NLRC3: variants seen among roughly 807,000 people sequenced by gnomAD.
The protein encoded by NLRC3 is NLR family CARD domain containing 3.
A neutral mutation model predicts 91.6 loss-of-function variants in NLRC3; 87 were observed. The observed-to-expected ratio is 0.95, with a 90% CI of 0.80 to 1.14. NLRC3 has a LOEUF of 1.14. NLRC3 is among the 50% of genes most tolerant of loss of function. The probability of loss-of-function intolerance (pLI) is 0.00; values close to 1 mark genes in which losing one functional copy is unlikely to be tolerated. For synonymous variants in NLRC3, 694 were observed against 625.3 expected, an observed-to-expected ratio of 1.11 and a Z score of -1.64; for missense variants, 1,577 against 1,418.6, an observed-to-expected ratio of 1.11 and a Z score of -1.79.
intron 1 of NLRC3, among the ~76,000 whole-genome samples, chr16:3,573,348 AC>A (rs1423463773): frequency 1.3e-5 from 2 of 151,906 alleles, no homozygotes; most frequent in Non-Finnish European, 2.9e-5. Flanking sequence ...GGATCGCTTA[AC>A]TCCCGCCGTC....
chr16:3,572,418 G>A (rs950712808), intron 1 of NLRC3, among the ~76,000 whole-genome samples: 3 of 151,974 alleles, frequency 2.0e-5, no homozygotes, highest in Admixed American at 6.6e-5. Context: ...CTCCAAAGTA[G>A]CTGGGACTAC....
intron 18 of NLRC3, among the ~76,000 whole-genome samples, 176 bp downstream of exon 18, chr16:3,542,516 G>A (rs1596419686): frequency 6.6e-6 from 1 of 152,220 alleles, no homozygotes; most frequent in Non-Finnish European, 1.5e-5. Flanking sequence ...TCTGACTGAA[G>A]CTAAGCACAC....
At chr16:3,567,771 C>CAAA (rs774868671) in intron 1 of NLRC3, among the ~76,000 whole-genome samples, 2,389 of 38,040 alleles carry the variant, frequency 0.063, 227 homozygotes, top group Non-Finnish European at 0.075. Context: ...GACTCCATCT[C>CAAA]AAAAAAAAAA....
At position 3,541,929 on chromosome 16, in the gene NLRC3, G is replaced by A. The variant is rs1457506269; in HGVS notation, c.3108-14C>T. On this transcript the variant is annotated splice_polypyrimidine_tract_variant and intron_variant, in intron 19 of 19. Coordinates refer to ENST00000359128, the MANE Select transcript of NLRC3 (RefSeq NM_178844.4). ...TTTCCCTGGAGACTAGAAGAGTAGG[G>A]TTAAGGCAGGGCTCAAAGCCTGCAG... 6.6e-7 allele frequency: 1 copy of A among 1,516,452 alleles called. No individual in the cohort carries two copies. The highest frequency in any genetic ancestry group is 9.1e-7 in the Non-Finnish European group (1 of 1,094,944). 93.9% of individuals were successfully genotyped at this position (1,516,452 alleles called of 1,614,324 possible).
intron 1 of NLRC3, among the ~76,000 whole-genome samples, chr16:3,576,362 C>T (rs930785083): frequency 1.3e-5 from 2 of 152,206 alleles, no homozygotes; most frequent in East Asian, 1.9e-4. Flanking sequence ...CGCCTGGGGG[C>T]GGCGCCTGCA....
At chr16:3,572,841 C>T (rs562676416) in intron 1 of NLRC3, among the ~76,000 whole-genome samples, 4 of 151,538 alleles carry the variant, frequency 2.6e-5, no homozygotes, top group South Asian at 2.1e-4. Context: ...GGTGAAACCC[C>T]GTCTCTACTA....
chr16:3,543,427 G>C lies in NLRC3; in HGVS notation c.2937C>G (p.Leu979=). 1.2e-6 allele frequency: 2 copies of C among 1,607,364 alleles called. No homozygotes were observed. The highest frequency in any genetic ancestry group is 2.2e-5 in the East Asian group (1 of 44,812). Residue 979 remains leucine, a splice_region_variant and synonymous_variant, in exon 17 of 20, where the codon CTC becomes CTG. Transcript: ENST00000359128. ...ALAVNRTLEI[L]DLRGNAIGVA... ...TAGATGGAGACTGGAATACTTACTC[G>C]AGAATCTCCAAGGTTCTGTTCACAG...
chr16:3,542,849 T>C (rs1463983369), intron 17 of NLRC3, 74 bp from the exon 18 acceptor site: 2 of 958,120 alleles, frequency 2.1e-6, no homozygotes, highest in Non-Finnish European at 3.2e-6. Flanking sequence ...GCGGGTGGGC[T>C]TGGGGCTGCT....
intron 1 of NLRC3, among the ~76,000 whole-genome samples, chr16:3,573,563 T>C (rs1432828841): frequency 6.6e-6 from 1 of 152,096 alleles, no homozygotes; most frequent in Non-Finnish European, 1.5e-5. Flanking sequence ...GACATTAGGG[T>C]GTGGCCCAGG....
intron 1 of NLRC3, among the ~76,000 whole-genome samples, chr16:3,576,353 G>A (rs544360322): frequency 1.2e-4 from 18 of 152,284 alleles, no homozygotes; most frequent in Middle Eastern, 3.4e-3. Context: ...CTGCCCACTC[G>A]CCTGGGGGCG....
rs1180727821 is a variant in NLRC3, at chr16:3,539,769, T to C, written c.*2056A>G. 1.3e-5 allele frequency: 2 copies of C among 152,242 alleles called. No individual in the cohort carries two copies. Among genetic ancestry groups the C allele is most frequent in the African/African-American group, 4.8e-5 (2 of 41,480 alleles). 9.4% of individuals were successfully genotyped at this position (152,242 alleles called of 1,614,324 possible). A position where few individuals can be genotyped will look rare whatever the true frequency, so the allele number is the denominator to read the frequency against. On this transcript the variant is annotated 3_prime_UTR_variant, in exon 20 of 20. Transcript: ENST00000359128. ...ATAATGTTTTGTTTTATTTCCCAGC[T>C]ACTACAAGTGATCCAAATGTTCTTT...
rs577491607 is a variant in NLRC3, at chr16:3,563,266, A to T, written c.1671T>A (p.Asp557Glu). The change falls in exon 5 of 20, where the codon GAT becomes GAA. Residue 557 changes from aspartate (D) to glutamate (E), a missense_variant. Coordinates refer to ENST00000359128, the MANE Select transcript of NLRC3 (RefSeq NM_178844.4). ...TGATGGCCCGTGCACAGACTGCGGC[A>T]TCGGGGCGCAGGCAGCCCTGCAGGA... ...AELLQGCLRP[D>E]AAVCARAINV... 36 of 1,606,016 alleles carry T rather than the reference A, an allele frequency of 2.2e-5. No homozygotes were observed. The African/African-American group carries it at 4.7e-4, about 21-fold the overall frequency.
Position 3,549,727 on chromosome 16 carries a change from A to G in NLRC3, c.2489T>C (p.Leu830Pro). Reference sequence around the variant, plus strand: ...GCTGAGGAGGGTCTGGTTGGTGCAGAGGGCCCCCATCAGTGCTGCCACTCC... The same window carrying G: ...GCTGAGGAGGGTCTGGTTGGTGCAGGGGGCCCCCATCAGTGCTGCCACTCC... ...DAGVAALMGA[L>P]CTNQTLLSLS... The change falls in exon 12 of 20, where the codon CTC becomes CCC. Residue 830 changes from leucine (L) to proline (P), a missense_variant. Leu to Pro is a moderately conservative substitution (Grantham distance 98). Transcript: ENST00000359128. 1 of 1,551,234 alleles carries G rather than the reference A, an allele frequency of 6.4e-7. No individual in the cohort carries two copies. Among genetic ancestry groups the G allele is most frequent in the Non-Finnish European group, 8.7e-7 (1 of 1,146,816 alleles).
rs749551113 is a variant in NLRC3 at position 3,563,929 on chromosome 16, C to T, written c.1008G>A (p.Gly336=). Residue 336 remains glycine (G), a synonymous_variant, in exon 5 of 20, where the codon GGG becomes GGA. Transcript: ENST00000359128. The part of the protein sequence containing the change: ...CTVPAFCRLT[G]MALGHLWRSR... ...TGCGCCACAGGTGGCCTAGCGCCAT[C>T]CCCGTGAGCCTGCAGAAGGCTGGGA... is the stretch of plus-strand genomic sequence containing the variant. 6.3e-7 allele frequency: 1 copy of T among 1,592,388 alleles called. No individual in the cohort carries two copies. Among genetic ancestry groups the T allele is most frequent in the Admixed American group, 1.7e-5 (1 of 58,128 alleles).
chr16:3,577,035 A>G, intron 1 of NLRC3, 114 bp downstream of exon 1: 1 of 692,810 alleles, frequency 1.4e-6, no homozygotes, highest in Admixed American at 2.0e-5. Context: ...AGTCTCGTGG[A>G]GTCTCCCCAG....
chr16:3,565,243 C>T (rs1260083278), intron 3 of NLRC3, 76 bp downstream of exon 3: 2 of 696,342 alleles, frequency 2.9e-6, no homozygotes, highest in Non-Finnish European at 5.2e-6. Flanking sequence ...TGGGTGGTAG[C>T]AATGATCACA....
chr16:3,563,832 T>G lies in NLRC3; in HGVS notation c.1105A>C (p.Arg369=). 6.2e-7 allele frequency: 1 copy of G among 1,608,758 alleles called. No homozygotes were observed. The change falls in exon 5 of 20, where the codon AGG becomes CGG. Residue 369 remains arginine (R), a synonymous_variant. Coordinates refer to ENST00000359128, the MANE Select transcript of NLRC3 (RefSeq NM_178844.4). ...TGCCCCTCCCCGCTGAGGGCCATCC[T>G]AAAGTACCATGAGTAGAGCTCGCAC... ...TLCELYSWYF[R]MALSGEGQEK...
chr16:3,552,409 G>A (rs774540104), intron 9 of NLRC3, 130 bp from the exon 10 acceptor site: 10 of 665,504 alleles, frequency 1.5e-5, no homozygotes, highest in East Asian at 2.7e-5. Context: ...TGGGGAGGGC[G>A]TTCTCCAGAT....
rs1397368609 is a variant in NLRC3, at chr16:3,549,244, C to T, written c.2520-19G>A. The T allele has an allele frequency of 1.3e-6, 2 of 1,547,514 alleles. No homozygotes were observed. Among genetic ancestry groups the T allele is most frequent in the South Asian group, 1.2e-5 (1 of 84,436 alleles). ...TCGAAGGCTGAAAAAAAAGGAAAGA[C>T]CTGAGCTTCTGACCGGGCAGATGAG... On this transcript the variant is annotated intron_variant, in intron 12 of 19. Transcript: ENST00000359128.
Sources: gnomAD v4.1 joint callset for allele counts (sites outside exome capture counted in the v4.1 genomes callset) on GRCh38, gnomAD v4.1.1 for gene constraint, MANE v1.5 for transcripts, NCBI Gene and HGNC (gene_info 2026-07-23, HGNC 2026-07-21) for gene names.